The following PRKG1 variants were observed in gnomAD, a reference collection of about 807,000 sequenced individuals.
PRKG1 encodes cGMP-dependent protein kinase 1.
PRKG1 carries 35 observed loss-of-function variants against 88.1 expected under a neutral mutation model. That is an observed-to-expected ratio of 0.40 (90% CI 0.30 to 0.53). The LOEUF (loss-of-function observed/expected upper bound fraction) is 0.53. Ranked by LOEUF, PRKG1 falls within the 20% of genes least tolerant of loss-of-function variation. PRKG1 has a pLI of 0.59. For missense variants in PRKG1, 540 were observed against 839.8 expected, an observed-to-expected ratio of 0.64 and a Z score of 4.41; for synonymous variants, 303 against 292.5, an observed-to-expected ratio of 1.04 and a Z score of -0.37.
chr10:51,440,454 C>A (rs1349749601), intron 2 of PRKG1, among the ~76,000 whole-genome samples: 1 of 151,822 alleles, frequency 6.6e-6, no homozygotes, highest in Non-Finnish European at 1.5e-5. Context: ...AATCACAATT[C>A]TTTTGTCTTG....
chr10:51,700,771 C>T (rs1286022817), intron 3 of PRKG1, among the ~76,000 whole-genome samples: 1 of 152,102 alleles, frequency 6.6e-6, no homozygotes, highest in Non-Finnish European at 1.5e-5. Context: ...AATTTTAAAT[C>T]TCATTTTTTA....
At chr10:52,151,304 G>A (rs889844226) in intron 8 of PRKG1, among the ~76,000 whole-genome samples, 1 of 151,950 alleles carries the variant, frequency 6.6e-6, no homozygotes, top group Non-Finnish European at 1.5e-5. Context: ...TAGATAAGAC[G>A]CTCATTGTTG....
chr10:51,987,458 C>CT (rs56252793), intron 5 of PRKG1, among the ~76,000 whole-genome samples: 46,207 of 139,094 alleles, frequency 0.33, 7,815 homozygotes, highest in Middle Eastern at 0.41. Flanking sequence ...CTACTCATTA[C>CT]TTTTTTTTTT....
intron 9 of PRKG1, among the ~76,000 whole-genome samples, chr10:52,238,658 A>C (rs1002170308): frequency 3.7e-4 from 56 of 149,454 alleles, no homozygotes; most frequent in African/African-American, 1.3e-3. Context: ...AATCATTAAA[A>C]AGTCAGGAAA....
intron 7 of PRKG1, among the ~76,000 whole-genome samples, chr10:52,124,531 G>T (rs1195908397): frequency 1.3e-5 from 2 of 152,182 alleles, no homozygotes; most frequent in Non-Finnish European, 2.9e-5. Context: ...CAATGAGTGA[G>T]TGATGAGTGA....
At chr10:52,136,282 G>A (rs1837418446) in intron 8 of PRKG1, among the ~76,000 whole-genome samples, 1 of 152,026 alleles carries the variant, frequency 6.6e-6, no homozygotes, top group South Asian at 2.1e-4. Flanking sequence ...GGGCAAATGA[G>A]GAAAGGTTCT....
intron 9 of PRKG1, among the ~76,000 whole-genome samples, chr10:52,211,590 A>G (rs547229666): frequency 1.3e-4 from 20 of 152,050 alleles, no homozygotes; most frequent in Admixed American, 2.6e-4. Flanking sequence ...CACAATATAT[A>G]GTTAATTCAG....
At chr10:51,781,885 A>C (rs1341094396) in intron 3 of PRKG1, among the ~76,000 whole-genome samples, 1 of 151,404 alleles carries the variant, frequency 6.6e-6, no homozygotes, top group Non-Finnish European at 1.5e-5. Context: ...TGGGCAAAGT[A>C]CTTATTAATT....
intron 2 of PRKG1, among the ~76,000 whole-genome samples, chr10:51,437,369 A>G (rs1316095272): frequency 1.3e-5 from 2 of 152,010 alleles, no homozygotes; most frequent in Admixed American, 1.3e-4. Context: ...ACGGGCAAAC[A>G]TCTTTAAGTT....
chr10:51,995,414 A>T (rs1490680700), intron 5 of PRKG1, among the ~76,000 whole-genome samples: 1 of 152,232 alleles, frequency 6.6e-6, no homozygotes, highest in Non-Finnish European at 1.5e-5. Context: ...GGTGAGAATT[A>T]TTCATTGTCT....
At chr10:51,505,876 T>A (rs1225028157) in intron 3 of PRKG1, among the ~76,000 whole-genome samples, 6 of 152,274 alleles carry the variant, frequency 3.9e-5, no homozygotes, top group Admixed American at 3.9e-4. Flanking sequence ...TCTTTATTAG[T>A]CTTGCTAGCG....
intron 7 of PRKG1, among the ~76,000 whole-genome samples, chr10:52,117,556 G>C (rs1847718012): frequency 6.6e-6 from 1 of 152,040 alleles, no homozygotes. Context: ...CAGCCCTTCA[G>C]AAAGAGTAAG....
chr10:51,751,188 T>A (rs1446982667), intron 3 of PRKG1, among the ~76,000 whole-genome samples: 1 of 152,152 alleles, frequency 6.6e-6, no homozygotes, highest in African/African-American at 2.4e-5. Flanking sequence ...AGATGTAGGA[T>A]TGCCAGAAAA....
intron 2 of PRKG1, chr10:51,302,750 A>G (rs1840925910): frequency 2.0e-5 from 3 of 152,134 alleles, no homozygotes; most frequent in African/African-American, 7.2e-5. Context: ...AGCACTCACA[A>G]TGGACAGGCT....
intron 5 of PRKG1, among the ~76,000 whole-genome samples, chr10:52,043,921 A>AG: frequency 6.7e-6 from 1 of 149,288 alleles, no homozygotes. Context: ...AACATAGAAA[A>AG]AAAAAAAAAA....
chr10:51,227,111 T>A (rs748937945), intron 2 of PRKG1, among the ~76,000 whole-genome samples: 1 of 151,084 alleles, frequency 6.6e-6, no homozygotes, highest in Non-Finnish European at 1.5e-5. Context: ...TAATTATTCC[T>A]GTGTAATGTA....
chr10:51,467,161 C>G (rs559261765), intron 2 of PRKG1, among the ~76,000 whole-genome samples: 1 of 152,100 alleles, frequency 6.6e-6, no homozygotes, highest in East Asian at 1.9e-4. Context: ...TTTCTTTTCC[C>G]TCAACCCTTG....
chr10:51,332,876 A>G (rs998108515), intron 2 of PRKG1, among the ~76,000 whole-genome samples: 1 of 152,216 alleles, frequency 6.6e-6, no homozygotes, highest in African/African-American at 2.4e-5. Context: ...TGATTTCCCC[A>G]TCACTGTAGA....
chr10:51,602,764 GTGTGTGTGTGTGTGTGTATA>G (rs1487199882), intron 3 of PRKG1, among the ~76,000 whole-genome samples: 104 of 132,942 alleles, frequency 7.8e-4, no homozygotes, highest in African/African-American at 3.3e-3. Flanking sequence ...GTGTGTGTGT[GTGTGTGTGTGTGTGTGTATA>G]TATTCATATA....
Sources: allele counts gnomAD v4.1 joint callset (sites outside exome capture counted in the v4.1 genomes callset), GRCh38; gene constraint gnomAD v4.1.1; transcripts MANE v1.5; gene names NCBI Gene and HGNC (gene_info 2026-07-23, HGNC 2026-07-21).